The following PRR5L variants were observed in gnomAD, a reference collection of about 807,000 sequenced individuals.
The protein encoded by PRR5L is proline-rich protein 5-like.
Under a neutral mutation model 36.4 loss-of-function variants are expected in PRR5L, and 21 were observed. The observed-to-expected ratio is 0.58, with a 90% CI of 0.41 to 0.83. PRR5L has a LOEUF of 0.83. Among genes scored for constraint, PRR5L ranks in the 40% least tolerant of loss-of-function variants. The pLI is 0.00. For synonymous variants in PRR5L, 188 were observed against 197.0 expected (o/e 0.95, Z 0.38); for missense variants, 381 against 473.3 (o/e 0.80, Z 1.81).
intron 1 of PRR5L, among the ~76,000 whole-genome samples, chr11:36,302,384 G>C (rs1283530046): frequency 1.3e-5 from 2 of 152,198 alleles, no homozygotes; most frequent in Non-Finnish European, 2.9e-5. Context: ...CAAATGTGAA[G>C]CAGAGTCACC....
In PRR5L at chr11:36,383,136, G is replaced by A. The variant is rs981563145; in HGVS notation, c.-125-17861G>A. 1.4e-4 allele frequency among the ~76,000 whole-genome samples: 22 copies of A among 152,134 alleles called. 1 individual carries two copies. The highest frequency in any genetic ancestry group is 1.4e-3 in the Admixed American group (22 of 15,280). ...GAATAATAATAGTGTCTACCTCCTAGGATTGTTGGGGGCCAAGTGGGATAA... is the reference window on the plus strand; with the variant it reads ...GAATAATAATAGTGTCTACCTCCTAAGATTGTTGGGGGCCAAGTGGGATAA... On this transcript the variant is annotated intron_variant, in intron 1 of 8. Coordinates refer to ENST00000530639, the MANE Select transcript of PRR5L (RefSeq NM_001160167.2).
rs58639707 is a variant in PRR5L, at chr11:36,420,834, A to AACACACACACACACAC, written c.294+1560_294+1575dup. ...AAAAGAATGACATGTCAGTTGTTTA[A>AACACACACACACACAC]ACACACACACACACACACACACACA... On this transcript the variant is annotated intron_variant, in intron 4 of 8. Transcript: ENST00000530639. 3.3e-3 allele frequency among the ~76,000 whole-genome samples: 466 copies of AACACACACACACACAC among 139,386 alleles called. 5 individuals are homozygous for AACACACACACACACAC. Among genetic ancestry groups the AACACACACACACACAC allele is most frequent in the East Asian group, 0.018 (80 of 4,464 alleles). The allele number at this position is 139,386 out of a possible 152,430, so 91.4% of individuals were successfully genotyped here.
chr11:36,314,731 T>C (rs1262246543), intron 1 of PRR5L, among the ~76,000 whole-genome samples: 1 of 152,240 alleles, frequency 6.6e-6, no homozygotes, highest in Admixed American at 6.5e-5. Context: ...ACTAGATTCA[T>C]TGATGTATGA....
chr11:36,307,469 G>T lies in PRR5L; in HGVS notation c.-126+11031G>T, dbSNP rs1590426394. On this transcript the variant is annotated intron_variant, in intron 1 of 8. Transcript: ENST00000530639. ...CAGGGGAGGTTGATTCAGCAGCTCA[G>T]CAATGTCCTCAGGGTGCCTCTTCTT... Among the ~76,000 whole-genome samples, 3 of 152,194 alleles carry T rather than the reference G, an allele frequency of 2.0e-5. No individual in the cohort carries two copies. In the South Asian group the frequency reaches 6.2e-4, roughly 31 times the overall value.
rs547276896 is a variant in PRR5L, at chr11:36,441,221, T to G, written c.444+3745T>G. ...TCAATCAGAAGTTCAAAGTCTCATCTGAGACTCAAGGCAAGTTCCTTGCAC... is the reference window on the plus strand; with the variant it reads ...TCAATCAGAAGTTCAAAGTCTCATCGGAGACTCAAGGCAAGTTCCTTGCAC... On this transcript the variant is annotated intron_variant, in intron 6 of 8. Coordinates refer to ENST00000530639, the MANE Select transcript of PRR5L (RefSeq NM_001160167.2). Among the ~76,000 whole-genome samples the G allele has an allele frequency of 6.6e-5, 10 of 152,330 alleles. No homozygotes were observed. In the East Asian group the frequency reaches 1.9e-3, roughly 29 times the overall value.
intron 1 of PRR5L, chr11:36,376,102 G>T: frequency 8.1e-7 from 1 of 1,236,680 alleles, no homozygotes. Context: ...ATCCTCCTCG[G>T]CAATTTTTTT....
At chr11:36,458,085 C>T (rs371596714) in intron 8 of PRR5L, among the ~76,000 whole-genome samples, 14 of 152,178 alleles carry the variant, frequency 9.2e-5, no homozygotes, top group African/African-American at 3.1e-4. Flanking sequence ...CAGAAAGAAC[C>T]GCTGCCAATG....
At chr11:36,397,865 G>A (rs1190136854) in intron 1 of PRR5L, among the ~76,000 whole-genome samples, 4 of 151,436 alleles carry the variant, frequency 2.6e-5, no homozygotes, top group Admixed American at 1.3e-4. Flanking sequence ...GCACGATCTC[G>A]GATCACCGCA....
chr11:36,335,069 C>T (rs191522913), intron 1 of PRR5L, among the ~76,000 whole-genome samples: 46 of 151,972 alleles, frequency 3.0e-4, no homozygotes, highest in African/African-American at 1.0e-3. Flanking sequence ...TTTAAGTCTC[C>T]ATCTATGTTT....
At chr11:36,364,504 G>T (rs1429892640) in intron 1 of PRR5L, among the ~76,000 whole-genome samples, 1 of 152,116 alleles carries the variant, frequency 6.6e-6, no homozygotes, top group Non-Finnish European at 1.5e-5. Flanking sequence ...GGTTATAATT[G>T]CACCTATTTC....
At position 36,306,255 on chromosome 11, in the gene PRR5L, G is replaced by T. The variant is rs1590425338; in HGVS notation, c.-126+9817G>T. Among the ~76,000 whole-genome samples the T allele has an allele frequency of 2.0e-5, 3 of 152,090 alleles. No homozygotes were observed. In the South Asian group the frequency reaches 6.2e-4, roughly 32 times the overall value. The stretch of plus-strand genomic sequence containing the variant: ...TATCCCTCCCCCAGCCCCCCATCCT[G>T]GTGTGTGATGTTCCCTGCCCTGTGT... On this transcript the variant is annotated intron_variant, in intron 1 of 8. Transcript: ENST00000530639.
At chr11:36,345,061 G>C (rs1856850428) in intron 1 of PRR5L, among the ~76,000 whole-genome samples, 1 of 152,150 alleles carries the variant, frequency 6.6e-6, no homozygotes, top group South Asian at 2.1e-4. Flanking sequence ...TTCCAGCTTG[G>C]GCTTGACTGG....
At chr11:36,374,109 T>TTC (rs1351828227) in intron 1 of PRR5L, among the ~76,000 whole-genome samples, 1,274 of 73,206 alleles carry the variant, frequency 0.017, 8 homozygotes, top group East Asian at 0.14. Context: ...TTCCTTCCTC[T>TTC]CTCTCTCTCT....
chr11:36,407,136 G>A (rs1857928282), intron 3 of PRR5L, among the ~76,000 whole-genome samples: 2 of 152,130 alleles, frequency 1.3e-5, no homozygotes, highest in South Asian at 4.1e-4. Flanking sequence ...CATAATGGGT[G>A]AGTACGAGGC....
At chr11:36,419,425 C>A in intron 4 of PRR5L, 122 bp downstream of exon 4, 1 of 862,958 alleles carries the variant, frequency 1.2e-6, no homozygotes, top group Non-Finnish European at 2.0e-6. Context: ...TATCTCAAGT[C>A]CCTGCTGTGT....
At chr11:36,345,276 G>A (rs1005917202) in intron 1 of PRR5L, among the ~76,000 whole-genome samples, 1 of 152,130 alleles carries the variant, frequency 6.6e-6, no homozygotes, top group African/African-American at 2.4e-5. Context: ...GCACAAGGTC[G>A]ATGATGGGAG....
intron 3 of PRR5L, among the ~76,000 whole-genome samples, chr11:36,408,905 A>AG (rs1372020181): frequency 1.3e-5 from 2 of 152,194 alleles, no homozygotes; most frequent in Non-Finnish European, 2.9e-5. Context: ...GTGTCGAAGC[A>AG]GGGGCCATTG....
At chr11:36,398,509 A>G (rs1857717821) in intron 1 of PRR5L, 1 of 152,238 alleles carries the variant, frequency 6.6e-6, no homozygotes, top group African/African-American at 2.4e-5. Context: ...GGCAGTAGGA[A>G]CAGTGGAGAC....
intron 8 of PRR5L, among the ~76,000 whole-genome samples, chr11:36,459,801 G>A (rs1374839318): frequency 6.6e-6 from 1 of 152,148 alleles, no homozygotes; most frequent in Non-Finnish European, 1.5e-5. Context: ...TATCCACCCA[G>A]CATAGGTGTA....
Sources: allele counts gnomAD v4.1 joint callset (sites outside exome capture counted in the v4.1 genomes callset), GRCh38; gene constraint gnomAD v4.1.1; transcripts MANE v1.5; gene names NCBI Gene and HGNC (gene_info 2026-07-23, HGNC 2026-07-21).